PCSK6: variants seen among roughly 807,000 people sequenced by gnomAD.
PCSK6 encodes proprotein convertase subtilisin/kexin type 6.
PCSK6 carries 85 observed loss-of-function variants against 123.3 expected under a neutral mutation model. The observed-to-expected ratio is 0.69, with a 90% CI of 0.58 to 0.83. PCSK6 has a LOEUF of 0.83. Among genes scored for constraint, PCSK6 ranks in the 40% least tolerant of loss-of-function variants. The probability of loss-of-function intolerance (pLI) is 0.00; values close to 1 mark genes in which losing one functional copy is unlikely to be tolerated. For missense variants in PCSK6, 1,191 were observed against 1,282.3 expected, an observed-to-expected ratio of 0.93 and a Z score of 1.09; for synonymous variants, 508 against 516.0, an observed-to-expected ratio of 0.98 and a Z score of 0.21.
intron 13 of PCSK6, among the ~76,000 whole-genome samples, chr15:101,362,723 T>G (rs2041269980): frequency 6.6e-6 from 1 of 152,182 alleles, no homozygotes; most frequent in Non-Finnish European, 1.5e-5. Flanking sequence ...ATCCCCATTT[T>G]CTAGATAAGA....
chr15:101,364,825 T>C, intron 13 of PCSK6: 1 of 531,812 alleles, frequency 1.9e-6, no homozygotes, highest in Non-Finnish European at 3.5e-6. Context: ...CACATGGAAT[T>C]ACACGGGACC....
chr15:101,473,889 A>AGT lies in PCSK6; in HGVS notation c.297+15484_297+15485insAC, dbSNP rs5815016. Reference sequence around the variant, plus strand: ...GACTCATGTCTCAAATAAATAAGTAAATAAATAAATAAATAATGAATGAAT... The same window carrying AGT: ...GACTCATGTCTCAAATAAATAAGTAAGTATAAATAAATAAATAATGAATGAAT... On this transcript the variant is annotated intron_variant, in intron 1 of 21. Transcript: ENST00000611716. 6.6e-5 allele frequency among the ~76,000 whole-genome samples: 10 copies of AGT among 151,872 alleles called. No individual in the cohort carries two copies. In the East Asian group the frequency reaches 7.7e-4, roughly 12 times the overall value.
intron 1 of PCSK6, among the ~76,000 whole-genome samples, chr15:101,457,171 CAAAAATAAATAAATAAAT>C (rs936744237): frequency 2.7e-4 from 41 of 151,856 alleles, no homozygotes; most frequent in African/African-American, 9.2e-4. Context: ...GATTCCATCT[CAAAAATAAATAAATAAAT>C]AAAAATAAAT....
intron 1 of PCSK6, 27 bp downstream of exon 1, chr15:101,489,347 T>G: frequency 1.8e-6 from 2 of 1,130,084 alleles, no homozygotes; most frequent in Non-Finnish European, 2.2e-6. Flanking sequence ...GGGAAAGTTT[T>G]GGGCGCGCGG....
intron 6 of PCSK6, among the ~76,000 whole-genome samples, chr15:101,423,912 A>T (rs7164715): frequency 0.038 from 5,855 of 152,286 alleles, 403 homozygotes; most frequent in African/African-American, 0.13. Context: ...AGATATTTTT[A>T]AAAATAACAT....
At chr15:101,476,811 T>C (rs1389582618) in intron 1 of PCSK6, among the ~76,000 whole-genome samples, 1 of 152,202 alleles carries the variant, frequency 6.6e-6, no homozygotes, top group African/African-American at 2.4e-5. Context: ...TTATATGCAA[T>C]GTATAATTTT....
intron 6 of PCSK6, among the ~76,000 whole-genome samples, chr15:101,423,501 A>G (rs760685221): frequency 7.2e-5 from 11 of 152,114 alleles, no homozygotes; most frequent in Admixed American, 1.3e-4. Context: ...ATCTCAGGTG[A>G]TCCACTCACC....
intron 1 of PCSK6, among the ~76,000 whole-genome samples, chr15:101,460,867 T>A (rs932021907): frequency 9.2e-5 from 14 of 152,316 alleles, no homozygotes; most frequent in Admixed American, 7.2e-4. Flanking sequence ...AAATACTATT[T>A]AGGACAACTC....
At chr15:101,411,404 G>T (rs143691137) in intron 6 of PCSK6, among the ~76,000 whole-genome samples, 5 of 152,062 alleles carry the variant, frequency 3.3e-5, no homozygotes, top group Admixed American at 6.5e-5. Context: ...CGGGGAGTCC[G>T]CCTCGCACCC....
At chr15:101,366,954 G>C (rs1367442538) in intron 12 of PCSK6, among the ~76,000 whole-genome samples, 1 of 152,238 alleles carries the variant, frequency 6.6e-6, no homozygotes, top group Non-Finnish European at 1.5e-5. Flanking sequence ...TTCACCTGCA[G>C]GGCTGATCCA....
At position 101,488,654 on chromosome 15, in the gene PCSK6, C is replaced by A. The variant is rs1228573572; in HGVS notation, c.297+720G>T. Among the ~76,000 whole-genome samples, 3 of 152,280 alleles carry A rather than the reference C, an allele frequency of 2.0e-5. No individual in the cohort carries two copies. The East Asian group carries it at 5.8e-4, about 29-fold the overall frequency. On this transcript the variant is annotated intron_variant, in intron 1 of 21. Coordinates refer to ENST00000611716, the MANE Select transcript of PCSK6 (RefSeq NM_002570.5). ...GAGCGACTTGCCAAAGGTCACACCG[C>A]TCGGCCATCAGAACCGCGGCAGAAG... is the stretch of plus-strand genomic sequence containing the variant.
At chr15:101,383,336 G>T (rs749667841) in intron 10 of PCSK6, among the ~76,000 whole-genome samples, 7 of 150,852 alleles carry the variant, frequency 4.6e-5, no homozygotes, top group Non-Finnish European at 1.0e-4. Context: ...TTTGAACGCA[G>T]GAGGCAAAGG....
At position 101,384,211 on chromosome 15, in the gene PCSK6, A is replaced by C. The variant is rs561684422; in HGVS notation, c.1414+111T>G. On this transcript the variant is annotated intron_variant, in intron 10 of 21. Coordinates refer to ENST00000611716, the MANE Select transcript of PCSK6 (RefSeq NM_002570.5). ...GCGTTTTAAATTCTTGTGACACACA[A>C]TTAATAATAACAACTAATGCTATTT... The C allele has an allele frequency of 3.6e-5, 54 of 1,507,806 alleles. No homozygotes were observed. The African/African-American group carries it at 6.9e-4, about 19-fold the overall frequency. 93.4% of individuals were successfully genotyped at this position (1,507,806 alleles called of 1,614,324 possible).
Position 101,443,672 on chromosome 15 carries a change from G to A in PCSK6, c.298-12C>T, listed in dbSNP as rs770763599. On this transcript the variant is annotated splice_polypyrimidine_tract_variant and intron_variant, in intron 1 of 21. Coordinates refer to ENST00000611716, the MANE Select transcript of PCSK6 (RefSeq NM_002570.5). ...TCCAGGTTTCCAATCTGCAAGACAAGAAGCAGAATGCCATCAATTAATAGT... is the reference window on the plus strand; with the variant it reads ...TCCAGGTTTCCAATCTGCAAGACAAAAAGCAGAATGCCATCAATTAATAGT... The A allele has an allele frequency of 2.5e-6, 4 of 1,576,154 alleles. No individual in the cohort carries two copies. The highest frequency in any genetic ancestry group is 2.2e-5 in the East Asian group (1 of 44,702).
intron 11 of PCSK6, among the ~76,000 whole-genome samples, chr15:101,379,730 G>A (rs1033289371): frequency 3.9e-5 from 6 of 152,328 alleles, no homozygotes; most frequent in Middle Eastern, 3.4e-3. Flanking sequence ...GTGTGGGAAC[G>A]CTTCCTTTTC....
intron 15 of PCSK6, among the ~76,000 whole-genome samples, chr15:101,328,393 G>A (rs780462537): frequency 7.2e-5 from 11 of 152,306 alleles, no homozygotes; most frequent in East Asian, 1.9e-4. Flanking sequence ...GGCTTGGTTC[G>A]GTGTGTTCAC....
rs768849914 is a variant in PCSK6, at chr15:101,324,873, G to A, written c.2354C>T (p.Pro785Leu). Residue 785 changes from proline to leucine, a missense_variant, in exon 17 of 22, where the codon CCT becomes CTT. This residue lies in a region of PCSK6 where 630 missense variants were observed against 631.4 expected (regional missense o/e 1.00). Transcript: ENST00000611716. ...QEMNTCVTLC[P>L]AGFYADESQK... ...ACTTTCATCAGCATAAAATCCTGCA[G>A]GACAGAGGGTCACACAGGTGTTCAT... 2 of 1,613,372 alleles carry A rather than the reference G, an allele frequency of 1.2e-6. No individual in the cohort carries two copies. Among genetic ancestry groups the A allele is most frequent in the Admixed American group, 3.3e-5 (2 of 59,998 alleles).
At chr15:101,348,175 G>A (rs3034962) in intron 13 of PCSK6, among the ~76,000 whole-genome samples, 26,095 of 100,934 alleles carry the variant, frequency 0.26, 2,439 homozygotes, top group Middle Eastern at 0.33. Flanking sequence ...GGTCGGACCG[G>A]CCCCTGCGCC....
rs60896901 is a variant in PCSK6 at position 101,360,219 on chromosome 15, C to T, written c.1858+5977G>A. 9.0e-3 allele frequency among the ~76,000 whole-genome samples: 1,372 copies of T among 152,282 alleles called. 24 individuals carry two copies. The highest frequency in any genetic ancestry group is 0.031 in the African/African-American group (1,272 of 41,532). The stretch of plus-strand genomic sequence containing the variant: ...GATATTGCAATGACCTTCTAACTGG[C>T]TTCCCCGCCTTTGTTCCTCTCCCAC... On this transcript the variant is annotated intron_variant, in intron 13 of 21. Transcript: ENST00000611716.
Sources: gnomAD v4.1 joint callset for allele counts (sites outside exome capture counted in the v4.1 genomes callset) on GRCh38, gnomAD v4.1.1 for gene constraint, gnomAD v4.1.1 regional missense constraint, MANE v1.5 for transcripts, NCBI Gene and HGNC (gene_info 2026-07-23, HGNC 2026-07-21) for gene names.